Variants in TMEM221 observed in about 807,000 individuals in gnomAD.
The protein encoded by TMEM221 is Putative transmembrane protein ENSP00000342162.
In TMEM221, 11 loss-of-function variants were observed where a neutral mutation model predicts 10.2. That is an observed-to-expected ratio of 1.08 (90% CI 0.68 to 1.79). TMEM221 has a LOEUF of 1.79. Ranked by LOEUF, TMEM221 falls within the 40% of genes most tolerant of loss-of-function variation. The pLI is 0.00. For missense variants in TMEM221, 382 were observed against 417.7 expected, an observed-to-expected ratio of 0.91 and a Z score of 0.75; for synonymous variants, 172 against 199.8, an observed-to-expected ratio of 0.86 and a Z score of 1.18.
intron 2 of TMEM221, among the ~76,000 whole-genome samples, chr19:17,441,371 C>G (rs1299582637): frequency 1.3e-5 from 2 of 151,970 alleles, no homozygotes; most frequent in Non-Finnish European, 2.9e-5. Flanking sequence ...ACCCTCAACT[C>G]TGTGGCGACC....
chr19:17,443,000 C>T lies in TMEM221; in HGVS notation c.406+2199G>A, dbSNP rs915679605. ...AGGGCCTGGCGTGGTGGCTCAGGGC[C>T]GGGCGTGGTGGCTCACGCCTGTAAT... is the stretch of plus-strand genomic sequence containing the variant. On this transcript the variant is annotated intron_variant, in intron 2 of 2. Coordinates refer to ENST00000341130, the MANE Select transcript of TMEM221 (RefSeq NM_001190844.2). Among the ~76,000 whole-genome samples the T allele has an allele frequency of 2.6e-5, 4 of 151,612 alleles. No individual in the cohort carries two copies. In the East Asian group the frequency reaches 5.9e-4, roughly 22 times the overall value.
At position 17,448,050 on chromosome 19, in the gene TMEM221, C is replaced by A; in HGVS notation, c.320+93G>T. 5.5e-6 allele frequency: 6 copies of A among 1,090,860 alleles called. No individual in the cohort carries two copies. Among genetic ancestry groups the A allele is most frequent in the Non-Finnish European group, 5.8e-6 (5 of 857,530 alleles). 67.6% of individuals were successfully genotyped at this position (1,090,860 alleles called of 1,614,324 possible). A position where few individuals can be genotyped will look rare whatever the true frequency, so the allele number is the denominator to read the frequency against. On this transcript the variant is annotated intron_variant, in intron 1 of 2. Coordinates refer to ENST00000341130, the MANE Select transcript of TMEM221 (RefSeq NM_001190844.2). The surrounding 1 kb of genome is among the most constrained non-coding windows in gnomAD (Gnocchi z 4.7). ...GAGGGAAGTGGGGAGGGAAGCTGTC[C>A]CCCCAGCCTGAGGCCAAAAGAGGGG... is the stretch of plus-strand genomic sequence containing the variant.
chr19:17,438,063 G>A (rs2074916854), intron 2 of TMEM221, among the ~76,000 whole-genome samples: 1 of 150,210 alleles, frequency 6.7e-6, no homozygotes, highest in Non-Finnish European at 1.5e-5. Context: ...GGGACTACAG[G>A]TGCATGCCAC....
intron 2 of TMEM221, among the ~76,000 whole-genome samples, chr19:17,442,550 C>T (rs2074936224): frequency 6.6e-6 from 1 of 151,662 alleles, no homozygotes; most frequent in Non-Finnish European, 1.5e-5. Flanking sequence ...AACAATTCTC[C>T]TGCCTCAGCC....
chr19:17,437,893 C>T, intron 2 of TMEM221, among the ~76,000 whole-genome samples: 1 of 131,350 alleles, frequency 7.6e-6, no homozygotes, highest in Non-Finnish European at 1.7e-5. Context: ...CCTTCTTCTT[C>T]TTTTTCTTCT....
intron 2 of TMEM221, among the ~76,000 whole-genome samples, chr19:17,443,275 C>T (rs566659759): frequency 1.3e-5 from 2 of 151,568 alleles, no homozygotes; most frequent in South Asian, 2.1e-4. Context: ...AGCGAGACTC[C>T]GCATCAAAAA....
chr19:17,447,053 C>T (rs2074955607), intron 1 of TMEM221, among the ~76,000 whole-genome samples: 1 of 151,864 alleles, frequency 6.6e-6, no homozygotes, highest in Admixed American at 6.6e-5. Context: ...GAAACCCCGC[C>T]TCTACTAAAA....
At chr19:17,438,240 C>G (rs1479574035) in intron 2 of TMEM221, among the ~76,000 whole-genome samples, 1 of 152,058 alleles carries the variant, frequency 6.6e-6, no homozygotes, top group African/African-American at 2.4e-5. Context: ...AGGCACCCAC[C>G]ACCACGCCAG....
intron 2 of TMEM221, among the ~76,000 whole-genome samples, chr19:17,441,750 C>T (rs568615161): frequency 7.2e-5 from 11 of 151,880 alleles, no homozygotes; most frequent in South Asian, 2.1e-4. Flanking sequence ...GCTGTTTATA[C>T]GCGTTCTCTG....
chr19:17,440,900 A>T (rs1424962906), intron 2 of TMEM221, among the ~76,000 whole-genome samples: 1 of 152,050 alleles, frequency 6.6e-6, no homozygotes. Context: ...TCAGTTAGCC[A>T]ATGTGAATAA....
chr19:17,436,786 A>G lies in TMEM221; in HGVS notation c.548T>C (p.Leu183Pro). 6.6e-7 allele frequency: 1 copy of G among 1,518,662 alleles called. No homozygotes were observed. Among genetic ancestry groups the G allele is most frequent in the Non-Finnish European group, 8.8e-7 (1 of 1,135,888 alleles). 94.1% of individuals were successfully genotyped at this position (1,518,662 alleles called of 1,614,324 possible). A position where few individuals can be genotyped will look rare whatever the true frequency, so the allele number is the denominator to read the frequency against. Residue 183 changes from leucine to proline, a missense_variant, in exon 3 of 3, where the codon CTC (leucine) becomes CCC (proline). Transcript: ENST00000341130. ...LRAARAARRG[L>P]HELSPPSFED... Reference sequence around the variant, plus strand: ...AAAGGATGGCGGGGACAACTCATGGAGCCCACGGCGGGCAGCCCGGGCAGC... The same window carrying G: ...AAAGGATGGCGGGGACAACTCATGGGGCCCACGGCGGGCAGCCCGGGCAGC...
chr19:17,443,500 G>T (rs138979970), intron 2 of TMEM221, among the ~76,000 whole-genome samples: 28 of 151,206 alleles, frequency 1.9e-4, no homozygotes, highest in African/African-American at 6.5e-4. Context: ...TAATTTTTTT[G>T]AATTTTTAAT....
intron 2 of TMEM221, among the ~76,000 whole-genome samples, 164 bp from the exon 3 acceptor site, chr19:17,437,091 A>C (rs1164451678): frequency 1.3e-5 from 2 of 152,158 alleles, no homozygotes; most frequent in Admixed American, 6.6e-5. Context: ...CATCATCATC[A>C]CATCCATTTT....
At chr19:17,441,633 C>T (rs1486301694) in intron 2 of TMEM221, among the ~76,000 whole-genome samples, 1 of 151,426 alleles carries the variant, frequency 6.6e-6, no homozygotes. Context: ...AGCCCTGAGA[C>T]TTTAGCCTGG....
At chr19:17,441,211 GAA>G (rs569733675) in intron 2 of TMEM221, among the ~76,000 whole-genome samples, 1 of 51,760 alleles carries the variant, frequency 1.9e-5, no homozygotes. Context: ...CCATCTCAGA[GAA>G]AAAAAAAAAA....
chr19:17,447,235 G>GA (rs994046391), intron 1 of TMEM221, among the ~76,000 whole-genome samples: 3 of 145,428 alleles, frequency 2.1e-5, no homozygotes, highest in African/African-American at 7.6e-5. Context: ...AAAAAAAAAA[G>GA]AAAAAAAAAT....
At chr19:17,443,911 G>T (rs1210375004) in intron 2 of TMEM221, among the ~76,000 whole-genome samples, 1 of 151,162 alleles carries the variant, frequency 6.6e-6, no homozygotes, top group Non-Finnish European at 1.5e-5. Context: ...AAAGAAAGTT[G>T]ATTGAAGAAA....
At chr19:17,442,840 CT>C (rs200095842) in intron 2 of TMEM221, among the ~76,000 whole-genome samples, 17 of 151,666 alleles carry the variant, frequency 1.1e-4, no homozygotes, top group East Asian at 5.8e-4. Flanking sequence ...ATCCCTTCTC[CT>C]TTTTTTAAAA....
At chr19:17,438,089 T>A (rs1354388766) in intron 2 of TMEM221, among the ~76,000 whole-genome samples, 2 of 72,270 alleles carry the variant, frequency 2.8e-5, no homozygotes, top group African/African-American at 7.4e-5. Context: ...CTGGCTAATT[T>A]TTTTTTTTTT....
Sources: gnomAD v4.1 joint callset for allele counts (sites outside exome capture counted in the v4.1 genomes callset) on GRCh38, gnomAD v4.1.1 for gene constraint, Gnocchi (gnomAD v3.1) non-coding constraint, MANE v1.5 for transcripts, NCBI Gene and HGNC (gene_info 2026-07-23, HGNC 2026-07-21) for gene names.